Variants in BUB1B observed in about 807,000 individuals in gnomAD.
BUB1B encodes BUB1 mitotic checkpoint serine/threonine kinase B.
Under a neutral mutation model 137.7 loss-of-function variants are expected in BUB1B, and 86 were observed. That is an observed-to-expected ratio of 0.62 (90% CI 0.52 to 0.75). The LOEUF (loss-of-function observed/expected upper bound fraction) is 0.75, where lower values mean the gene tolerates loss of function less well. BUB1B is among the 30% of genes least tolerant of loss of function. The probability of loss-of-function intolerance (pLI) is 0.00; values close to 1 mark genes in which losing one functional copy is unlikely to be tolerated. For missense variants in BUB1B, 1,130 were observed against 1,236.9 expected (o/e 0.91, Z 1.30); for synonymous variants, 420 against 417.9 (o/e 1.00, Z -0.06).
rs779458273 is a variant in BUB1B, at chr15:40,210,217, C to T, written c.2385+7C>T. On this transcript the variant is annotated splice_region_variant and intron_variant, in intron 18 of 22. Transcript: ENST00000287598. ...AGAATTAACAGTAATAAAGGTGGGA[C>T]TGATTCTTTATAATTTCAGTTACTT... The T allele has an allele frequency of 1.1e-5, 18 of 1,569,244 alleles. No individual in the cohort carries two copies. The East Asian group carries it at 2.0e-4, about 18-fold the overall frequency.
chr15:40,165,851 A>AT (rs398039434), intron 2 of BUB1B, among the ~76,000 whole-genome samples: 30,433 of 144,820 alleles, frequency 0.21, 3,239 homozygotes, highest in African/African-American at 0.28. Flanking sequence ...ATCTCTTTGG[A>AT]TTTTTTTTTT....
intron 20 of BUB1B, among the ~76,000 whole-genome samples, chr15:40,215,013 C>G (rs2037758371): frequency 6.6e-6 from 1 of 152,098 alleles, no homozygotes; most frequent in African/African-American, 2.4e-5. Context: ...TTTTTCTAAG[C>G]CTTTTAGAAT....
intron 5 of BUB1B, among the ~76,000 whole-genome samples, chr15:40,179,988 A>ATATC (rs1555381477): frequency 2.0e-3 from 285 of 142,562 alleles, no homozygotes; most frequent in African/African-American, 2.6e-3. Flanking sequence ...ATATATATAT[A>ATATC]TCTCTTAAAT....
chr15:40,201,071 A>G (rs2037562815), intron 12 of BUB1B, 91 bp downstream of exon 12: 2 of 1,229,026 alleles, frequency 1.6e-6, no homozygotes, highest in Non-Finnish European at 2.4e-6. Context: ...TGATAAAGGG[A>G]TTGAAAGACA....
intron 6 of BUB1B, 144 bp downstream of exon 6, chr15:40,184,027 ATAT>A: frequency 1.2e-6 from 1 of 842,190 alleles, no homozygotes; most frequent in South Asian, 1.6e-5. Flanking sequence ...AGGAGAGCTA[ATAT>A]TACAGTGTGC....
At chr15:40,174,593 C>T (rs775142986) in intron 4 of BUB1B, among the ~76,000 whole-genome samples, 1 of 152,182 alleles carries the variant, frequency 6.6e-6, no homozygotes, top group African/African-American at 2.4e-5. Context: ...CAATTAGGAA[C>T]AGATAAATAG....
At chr15:40,170,039 A>C in intron 2 of BUB1B, 23 bp from the exon 3 acceptor site, 1 of 1,599,446 alleles carries the variant, frequency 6.3e-7, no homozygotes, top group South Asian at 1.1e-5. Context: ...TGCATATGCT[A>C]ACTTTTTCTG....
At chr15:40,187,049 G>C (rs2037375017) in intron 8 of BUB1B, 1 of 151,966 alleles carries the variant, frequency 6.6e-6, no homozygotes, top group African/African-American at 2.4e-5. Context: ...ACTTTGGGAG[G>C]CCAAGGTAGG....
chr15:40,191,099 G>A (rs537947680), intron 8 of BUB1B, among the ~76,000 whole-genome samples: 4 of 152,180 alleles, frequency 2.6e-5, no homozygotes, highest in South Asian at 4.1e-4. Context: ...TATTGCCCAG[G>A]CTGGTCTCGA....
intron 8 of BUB1B, among the ~76,000 whole-genome samples, chr15:40,185,930 G>T (rs764703999): frequency 3.9e-5 from 6 of 152,028 alleles, no homozygotes; most frequent in Non-Finnish European, 8.8e-5. Context: ...CTTTGAGTAT[G>T]TTAGGGTTAA....
chr15:40,221,000 T>C lies in BUB1B; in HGVS notation c.*241T>C. 4 of 537,218 alleles carry C rather than the reference T, an allele frequency of 7.4e-6. No homozygotes were observed. The highest frequency in any genetic ancestry group is 1.3e-5 in the Non-Finnish European group (4 of 300,198). The allele number at this position is 537,218 out of a possible 1,614,324, so 33.3% of individuals were successfully genotyped here. ...TTATTCTAAACAGACTCATTACAAA[T>C]GGTTACCTTGTTATTTAACCCATTT... is the stretch of plus-strand genomic sequence containing the variant. On this transcript the variant is annotated 3_prime_UTR_variant, in exon 23 of 23. Transcript: ENST00000287598.
At chr15:40,184,793 C>G (rs2037338760) in intron 6 of BUB1B, among the ~76,000 whole-genome samples, 1 of 152,090 alleles carries the variant, frequency 6.6e-6, no homozygotes, top group African/African-American at 2.4e-5. Context: ...TCCAGTATAT[C>G]TCTGCTGATT....
intron 7 of BUB1B, 44 bp from the exon 8 acceptor site, chr15:40,185,507 G>A (rs1229006129): frequency 3.1e-6 from 5 of 1,601,422 alleles, no homozygotes; most frequent in Non-Finnish European, 4.3e-6. Context: ...TGCTGTCTGA[G>A]AACATAAAAC....
chr15:40,213,270 T>C lies in BUB1B; in HGVS notation c.2536-62T>C, dbSNP rs957380772. 7.6e-6 allele frequency: 12 copies of C among 1,575,222 alleles called. No homozygotes were observed. The Admixed American group carries it at 1.7e-4, about 22-fold the overall frequency. On this transcript the variant is annotated intron_variant, in intron 19 of 22. Transcript: ENST00000287598. ...TACAAACCATCAGTTTTCAAGGTATTGAGTATAACTACGATCTGCCAAACT... is the reference window on the plus strand; with the variant it reads ...TACAAACCATCAGTTTTCAAGGTATCGAGTATAACTACGATCTGCCAAACT...
Position 40,217,556 on chromosome 15 carries a change from CT to C in BUB1B, c.2740del (p.Tyr914ThrfsTer38). 2.5e-6 allele frequency: 4 copies of C among 1,614,088 alleles called. No homozygotes were observed. Among genetic ancestry groups the C allele is most frequent in the Non-Finnish European group, 3.4e-6 (4 of 1,180,014 alleles). ...AAGCTTTGAAGATAGTGGACTTTTC[CT>C]ACAGTGTTGACCTTAGGGTGCAGCT... ...NQALKIVDFS[Y>X]SVDLRVQLDV... On this transcript the variant is annotated frameshift_variant, in exon 21 of 23. Coordinates refer to ENST00000287598, the MANE Select transcript of BUB1B (RefSeq NM_001211.6). LOFTEE classifies it high-confidence loss of function.
intron 20 of BUB1B, among the ~76,000 whole-genome samples, chr15:40,214,557 C>G (rs972377207): frequency 1.3e-5 from 2 of 152,140 alleles, no homozygotes; most frequent in East Asian, 3.8e-4. Context: ...TGGACTTACT[C>G]TTTACATTTC....
chr15:40,219,674 C>T (rs1370353193), intron 22 of BUB1B, among the ~76,000 whole-genome samples: 2 of 151,990 alleles, frequency 1.3e-5, no homozygotes, highest in Non-Finnish European at 2.9e-5. Context: ...GAGCTGAGAT[C>T]GCGCCACTGC....
intron 14 of BUB1B, among the ~76,000 whole-genome samples, chr15:40,204,572 A>G (rs1018121526): frequency 1.3e-5 from 2 of 151,724 alleles, no homozygotes; most frequent in African/African-American, 4.8e-5. Flanking sequence ...CATAAAATGT[A>G]TAGATTATAA....
In BUB1B at chr15:40,202,585, C is replaced by T; in HGVS notation, c.1629-4C>T. 6.2e-7 allele frequency: 1 copy of T among 1,613,276 alleles called. No individual in the cohort carries two copies. The highest frequency in any genetic ancestry group is 8.5e-7 in the Non-Finnish European group (1 of 1,179,580). The stretch of plus-strand genomic sequence containing the variant: ...ATTGCTAAGTGAGGTATGTCTTTTT[C>T]CAGTCCTCCTGCAGATCCCCCACGA... On this transcript the variant is annotated splice_polypyrimidine_tract_variant and splice_region_variant and intron_variant, in intron 13 of 22. Transcript: ENST00000287598.
Sources: allele counts gnomAD v4.1 joint callset (sites outside exome capture counted in the v4.1 genomes callset), GRCh38; gene constraint gnomAD v4.1.1; transcripts MANE v1.5; gene names NCBI Gene and HGNC (gene_info 2026-07-23, HGNC 2026-07-21).